The following PLEKHD1 variants were observed in gnomAD, a reference collection of about 807,000 sequenced individuals.
PLEKHD1 encodes the protein pleckstrin homology and coiled-coil domain containing D1.
PLEKHD1 carries 51 observed loss-of-function variants against 69.2 expected under a neutral mutation model. The ratio of observed to expected loss-of-function variants is 0.74; its 90% CI spans 0.59 to 0.93. The LOEUF is 0.93. Ranked by LOEUF, PLEKHD1 falls within the 40% of genes least tolerant of loss-of-function variation. PLEKHD1 has a pLI of 0.00. For synonymous variants in PLEKHD1, 236 were observed against 244.7 expected, an observed-to-expected ratio of 0.96 and a Z score of 0.33; for missense variants, 584 against 641.0, an observed-to-expected ratio of 0.91 and a Z score of 0.96.
intron 9 of PLEKHD1, 42 bp from the exon 10 acceptor site, chr14:69,526,655 T>C: frequency 6.9e-7 from 1 of 1,451,824 alleles, no homozygotes. Flanking sequence ...CAATCCCATT[T>C]GGCGAGTGAG....
the PLEKHD1 span, among the ~76,000 whole-genome samples, chr14:69,472,002 G>A: frequency 2.6e-5 from 4 of 152,098 alleles, no homozygotes; most frequent in Non-Finnish European, 4.4e-5. Context: ...TGTTTCACAC[G>A]TTTTTACACA....
chr14:69,526,035 C>A lies in PLEKHD1; in HGVS notation c.836C>A (p.Pro279His). 1 of 1,551,704 alleles carries A rather than the reference C, an allele frequency of 6.4e-7. No individual in the cohort carries two copies. The highest frequency in any genetic ancestry group is 8.7e-7 in the Non-Finnish European group (1 of 1,146,992). Reference protein sequence around the residue: ...QTLANQSEQPPPSGGLHSNLR... With the variant: ...QTLANQSEQPHPSGGLHSNLR... ...CTGGCCAATCAGAGTGAGCAGCCCC[C>A]TCCCAGTGGGGGCCTCCATAGCAAC... The change falls in exon 9 of 13, where the codon CCT becomes CAT. Residue 279 changes from proline to histidine, a missense_variant. Pro to His is a moderately conservative substitution (Grantham distance 77). Transcript: ENST00000322564.
At chr14:69,497,065 G>C (rs1882905923) in intron 1 of PLEKHD1, among the ~76,000 whole-genome samples, 1 of 152,174 alleles carries the variant, frequency 6.6e-6, no homozygotes, top group South Asian at 2.1e-4. Flanking sequence ...AGACAGTCGT[G>C]TGCTGCTTAC....
upstream of PLEKHD1, among the ~76,000 whole-genome samples, chr14:69,481,030 C>T (rs532098152): frequency 1.6e-4 from 25 of 152,282 alleles, no homozygotes; most frequent in African/African-American, 6.0e-4. Flanking sequence ...CTTAAAATGG[C>T]CATGCTAATA....
intron 7 of PLEKHD1, among the ~76,000 whole-genome samples, chr14:69,523,770 T>C (rs1320800766): frequency 1.3e-5 from 2 of 152,008 alleles, no homozygotes; most frequent in African/African-American, 4.8e-5. Context: ...ACTTTCCAAG[T>C]AGGATGAGGG....
At chr14:69,480,000 G>A (rs1293958646), upstream of PLEKHD1, among the ~76,000 whole-genome samples, 1 of 152,194 alleles carries the variant, frequency 6.6e-6, no homozygotes, top group East Asian at 1.9e-4. Flanking sequence ...GTAAGCATTT[G>A]CTGAGCACCC....
upstream of PLEKHD1, among the ~76,000 whole-genome samples, chr14:69,479,909 G>C (rs1453950511): frequency 6.6e-6 from 1 of 152,152 alleles, no homozygotes; most frequent in Non-Finnish European, 1.5e-5. Flanking sequence ...GGACCTGATA[G>C]GTCAGTCTCC....
At chr14:69,482,003 C>T (rs568444257), upstream of PLEKHD1, among the ~76,000 whole-genome samples, 5 of 152,222 alleles carry the variant, frequency 3.3e-5, no homozygotes, top group African/African-American at 1.2e-4. Context: ...CCAAGGCTGA[C>T]CTGGTGCAGT....
At chr14:69,501,266 G>A (rs1045577649) in intron 4 of PLEKHD1, 1 of 428,958 alleles carries the variant, frequency 2.3e-6, no homozygotes, top group African/African-American at 2.0e-5. Context: ...AAGGACTAGA[G>A]CTAGTGCTTT....
intron 1 of PLEKHD1, among the ~76,000 whole-genome samples, chr14:69,498,037 A>G (rs867803628): frequency 1.4e-5 from 2 of 139,936 alleles, no homozygotes; most frequent in African/African-American, 5.5e-5. Flanking sequence ...ATTTTGTTTT[A>G]TTTTATTTTA....
In PLEKHD1 at chr14:69,498,106, A is replaced by ATTTTATT. The variant is rs1491301174; in HGVS notation, c.150-2009_150-2008insTTTTATT. ...ATTTTATTTTATTTTATTTTATTTT[A>ATTTTATT]GAGAGTCTTGCTCTGTCACTCAGGT... is the stretch of plus-strand genomic sequence containing the variant. On this transcript the variant is annotated intron_variant, in intron 1 of 12. Transcript: ENST00000322564. Among the ~76,000 whole-genome samples the ATTTTATT allele has an allele frequency of 2.3e-3, 328 of 141,558 alleles. 5 individuals carry two copies. The highest frequency in any genetic ancestry group is 8.5e-3 in the African/African-American group (313 of 36,858). The allele number at this position is 141,558 out of a possible 152,430, so 92.9% of individuals were successfully genotyped here.
Position 69,528,394 on chromosome 14 carries a change from C to A in PLEKHD1, c.1496C>A (p.Ser499Ter). Residue 499 changes from serine to a stop codon, truncating the protein, a stop_gained, in exon 13 of 13, where the codon TCG (serine) becomes TAG (stop). Coordinates refer to ENST00000322564, the MANE Select transcript of PLEKHD1 (RefSeq NM_001161498.2). LOFTEE classifies it high-confidence loss of function. ...HIMATQPGAP[S>*]ALSRGGK Reference sequence around the variant, plus strand: ...ATGGCCACCCAGCCTGGAGCCCCCTCGGCACTCTCCCGGGGTGGAAAGTGA... The same window carrying A: ...ATGGCCACCCAGCCTGGAGCCCCCTAGGCACTCTCCCGGGGTGGAAAGTGA... 6.4e-7 allele frequency: 1 copy of A among 1,551,282 alleles called. No individual in the cohort carries two copies. The highest frequency in any genetic ancestry group is 8.7e-7 in the Non-Finnish European group (1 of 1,146,974).
chr14:69,528,465 G>A lies in PLEKHD1; in HGVS notation c.*46G>A, dbSNP rs768030274. ...CCCAAGTCTCCCCTGGATGGGCGGGGGAGGGGAAGGGGTGGCAGAGGGAGG... is the reference window on the plus strand; with the variant it reads ...CCCAAGTCTCCCCTGGATGGGCGGGAGAGGGGAAGGGGTGGCAGAGGGAGG... On this transcript the variant is annotated 3_prime_UTR_variant, in exon 13 of 13. Transcript: ENST00000322564. 1.5e-5 allele frequency: 23 copies of A among 1,533,084 alleles called. No individual in the cohort carries two copies. Among genetic ancestry groups the A allele is most frequent in the Admixed American group, 1.2e-4 (6 of 50,248 alleles). 95.0% of individuals were successfully genotyped at this position (1,533,084 alleles called of 1,614,324 possible).
At position 69,520,328 on chromosome 14, in the gene PLEKHD1, G is replaced by A. The variant is rs372953839; in HGVS notation, c.556-1955G>A. ...GGAGAGGGAATATGTGAGGTTTGTCGAATCTGAGGCTATAAAGGGGTTTAT... is the reference window on the plus strand; with the variant it reads ...GGAGAGGGAATATGTGAGGTTTGTCAAATCTGAGGCTATAAAGGGGTTTAT... On this transcript the variant is annotated intron_variant, in intron 6 of 12. Coordinates refer to ENST00000322564, the MANE Select transcript of PLEKHD1 (RefSeq NM_001161498.2). Among the ~76,000 whole-genome samples the A allele has an allele frequency of 6.6e-5, 10 of 152,124 alleles. No individual in the cohort carries two copies. In the East Asian group the frequency reaches 1.5e-3, roughly 24 times the overall value.
At chr14:69,511,595 G>GCTC (rs1177998611) in intron 6 of PLEKHD1, among the ~76,000 whole-genome samples, 1 of 151,776 alleles carries the variant, frequency 6.6e-6, no homozygotes. Context: ...TGTCACCCAG[G>GCTC]CTGGAGTGCA....
intron 8 of PLEKHD1, 57 bp downstream of exon 8, chr14:69,524,379 AT>A (rs1883591595): frequency 7.1e-7 from 1 of 1,415,694 alleles, no homozygotes; most frequent in African/African-American, 1.4e-5. Flanking sequence ...GTTGGACCAC[AT>A]GACACTGTTT....
intron 8 of PLEKHD1, among the ~76,000 whole-genome samples, chr14:69,525,060 T>A (rs1279205747): frequency 2.0e-5 from 3 of 152,132 alleles, no homozygotes; most frequent in Non-Finnish European, 4.4e-5. Context: ...AGCTCAAATA[T>A]CTCCTCAGTC....
chr14:69,469,628 A>G, the PLEKHD1 span, among the ~76,000 whole-genome samples: 1 of 152,060 alleles, frequency 6.6e-6, no homozygotes, highest in African/African-American at 2.4e-5. Context: ...CCTAGGCAAC[A>G]TAGAATTATT....
intron 6 of PLEKHD1, among the ~76,000 whole-genome samples, chr14:69,517,546 A>G (rs1024285585): frequency 6.6e-6 from 1 of 152,092 alleles, no homozygotes; most frequent in Admixed American, 6.6e-5. Flanking sequence ...CACTCTCTGA[A>G]CTGAGGCAGT....
Sources: allele counts gnomAD v4.1 joint callset (sites outside exome capture counted in the v4.1 genomes callset), GRCh38; gene constraint gnomAD v4.1.1; transcripts MANE v1.5; gene names NCBI Gene and HGNC (gene_info 2026-07-23, HGNC 2026-07-21).